Variants in TENM3 observed in about 807,000 individuals in gnomAD.
TENM3 encodes the protein teneurin-3.
TENM3 carries 63 observed loss-of-function variants against 255.1 expected under a neutral mutation model. That is an observed-to-expected ratio of 0.25 (90% CI 0.20 to 0.30). The LOEUF is 0.30. TENM3 is among the 10% of genes least tolerant of loss of function. TENM3 has a pLI of 1.00. For missense variants in TENM3, 2,929 were observed against 3,461.1 expected, an observed-to-expected ratio of 0.85 and a Z score of 3.86; for synonymous variants, 1,306 against 1,322.3, an observed-to-expected ratio of 0.99 and a Z score of 0.27.
At chr4:182,067,096 A>G in the TENM3 span, among the ~76,000 whole-genome samples, 23 of 152,188 alleles carry the variant, frequency 1.5e-4, no homozygotes, top group East Asian at 2.3e-3. Flanking sequence ...TTCCCCCTCT[A>G]TCTGCCATCC....
At chr4:181,993,800 T>TTA in the TENM3 span, among the ~76,000 whole-genome samples, 9 of 152,148 alleles carry the variant, frequency 5.9e-5, no homozygotes, top group East Asian at 1.9e-4. Flanking sequence ...AGAAAAATAA[T>TTA]TATATATATA....
At chr4:182,496,195 G>T (rs1487249253) in intron 3 of TENM3, among the ~76,000 whole-genome samples, 3 of 152,140 alleles carry the variant, frequency 2.0e-5, no homozygotes, top group Non-Finnish European at 4.4e-5. Flanking sequence ...CCAGTAGTTT[G>T]AAGTGGGTTA....
the TENM3 span, among the ~76,000 whole-genome samples, chr4:181,691,235 TTGTGTG>T: frequency 6.6e-5 from 10 of 150,776 alleles, no homozygotes; most frequent in South Asian, 4.2e-4. Context: ...AAATATGATC[TTGTGTG>T]TGTGTGTGTG....
intron 3 of TENM3, among the ~76,000 whole-genome samples, chr4:182,406,975 G>T (rs1052513912): frequency 1.3e-5 from 2 of 152,174 alleles, no homozygotes; most frequent in Admixed American, 6.5e-5. Flanking sequence ...ACTAAAGAAT[G>T]CTAACCTTAC....
intron 3 of TENM3, among the ~76,000 whole-genome samples, chr4:182,486,607 A>G (rs1198842382): frequency 6.6e-6 from 1 of 152,164 alleles, no homozygotes; most frequent in Admixed American, 6.5e-5. Context: ...GGTAATAGAA[A>G]TTTTATGTAA....
chr4:182,275,858 T>G (rs1236210051), intron 1 of TENM3, among the ~76,000 whole-genome samples: 1 of 152,186 alleles, frequency 6.6e-6, no homozygotes, highest in Non-Finnish European at 1.5e-5. Context: ...GATGGACCAC[T>G]TGAGCCCAGG....
the TENM3 span, among the ~76,000 whole-genome samples, chr4:181,806,358 G>C: frequency 6.6e-6 from 1 of 152,198 alleles, no homozygotes; most frequent in African/African-American, 2.4e-5. Context: ...TGTGCTACCT[G>C]TCTCTTGTAC....
intron 13 of TENM3, among the ~76,000 whole-genome samples, chr4:182,724,076 G>A (rs59305549): frequency 0.011 from 1,677 of 152,312 alleles, 31 homozygotes; most frequent in African/African-American, 0.037. Flanking sequence ...AGAGTACCAC[G>A]TAGACTGCAA....
the TENM3 span, among the ~76,000 whole-genome samples, chr4:182,020,521 C>T: frequency 6.6e-6 from 1 of 151,826 alleles, no homozygotes; most frequent in Non-Finnish European, 1.5e-5. Context: ...AATAATATAC[C>T]ATTTCACATA....
intron 5 of TENM3, chr4:182,631,444 T>A (rs966064188): frequency 7.2e-5 from 11 of 152,254 alleles, no homozygotes; most frequent in African/African-American, 2.4e-4. Flanking sequence ...TTATTTTTAA[T>A]CAGGTAAAAA....
intron 3 of TENM3, among the ~76,000 whole-genome samples, chr4:182,572,883 T>C (rs1048929187): frequency 1.3e-5 from 2 of 152,120 alleles, no homozygotes; most frequent in Admixed American, 1.3e-4. Flanking sequence ...CCTGTTAAGG[T>C]CACAGACTCA....
At chr4:181,732,438 A>T in the TENM3 span, among the ~76,000 whole-genome samples, 3 of 152,180 alleles carry the variant, frequency 2.0e-5, no homozygotes, top group African/African-American at 7.2e-5. Context: ...ATCATTTTTT[A>T]AAAATTCCAA....
At chr4:181,607,203 C>T in the TENM3 span, among the ~76,000 whole-genome samples, 1 of 152,194 alleles carries the variant, frequency 6.6e-6, no homozygotes, top group South Asian at 2.1e-4. Flanking sequence ...AATATTCCTG[C>T]ACATATACTA....
At position 182,755,055 on chromosome 4, in the gene TENM3, C is replaced by T; in HGVS notation, c.4688C>T (p.Thr1563Ile). The T allele has an allele frequency of 6.2e-7, 1 of 1,613,976 alleles. No homozygotes were observed. The highest frequency in any genetic ancestry group is 8.5e-7 in the Non-Finnish European group (1 of 1,179,886). Residue 1563 changes from threonine (T) to isoleucine (I), a missense_variant, in exon 22 of 28, where the codon ACC (threonine) becomes ATC (isoleucine). This residue lies in a region of TENM3 where 1,608 missense variants were observed against 1,884.4 expected (regional missense o/e 0.85). Coordinates refer to ENST00000511685, the MANE Select transcript of TENM3 (RefSeq NM_001080477.4). ...GCTGTGACAGACAGCAATGGCAACA[C>T]CCTTAGAATTAGACGGGACCCAAAT... Reference protein sequence around the residue: ...ITAVTDSNGNTLRIRRDPNRM... With the variant: ...ITAVTDSNGNILRIRRDPNRM...
chr4:182,322,000 G>A (rs1036948693), intron 1 of TENM3, among the ~76,000 whole-genome samples: 1 of 152,214 alleles, frequency 6.6e-6, no homozygotes, highest in East Asian at 1.9e-4. Flanking sequence ...AATAAAAAGA[G>A]TGAATTGGTG....
intron 13 of TENM3, among the ~76,000 whole-genome samples, chr4:182,722,150 AT>A (rs1759787729): frequency 6.6e-6 from 1 of 152,152 alleles, no homozygotes; most frequent in South Asian, 2.1e-4. Flanking sequence ...GTGTTACAGG[AT>A]TTCATATAAT....
At chr4:182,331,334 C>T (rs184249166) in intron 2 of TENM3, among the ~76,000 whole-genome samples, 1,857 of 152,126 alleles carry the variant, frequency 0.012, 17 homozygotes, top group Non-Finnish European at 0.018. Flanking sequence ...TCACTTGAGG[C>T]CAGGAGTGCA....
chr4:182,685,985 A>G (rs957167450), intron 11 of TENM3, among the ~76,000 whole-genome samples: 10 of 152,032 alleles, frequency 6.6e-5, no homozygotes, highest in Non-Finnish European at 1.3e-4. Flanking sequence ...AAAATCACAC[A>G]TCATTATTTT....
intron 3 of TENM3, among the ~76,000 whole-genome samples, chr4:182,464,076 T>C (rs62337169): frequency 0.019 from 2,945 of 152,302 alleles, 41 homozygotes; most frequent in Middle Eastern, 0.048. Context: ...TATAAACATA[T>C]ATAATTGTTC....
Sources: allele counts gnomAD v4.1 joint callset (sites outside exome capture counted in the v4.1 genomes callset), GRCh38; gene constraint gnomAD v4.1.1; regional missense constraint gnomAD v4.1.1; transcripts MANE v1.5; gene names NCBI Gene and HGNC (gene_info 2026-07-23, HGNC 2026-07-21).